The following CCDC73 variants were observed in gnomAD, a reference collection of about 807,000 sequenced individuals.
CCDC73 encodes coiled-coil domain-containing protein 73.
In CCDC73, 95 loss-of-function variants were observed where a neutral mutation model predicts 116.5. The ratio of observed to expected loss-of-function variants is 0.82; its 90% confidence interval spans 0.69 to 0.97. The LOEUF is 0.97. CCDC73 is among the 50% of genes least tolerant of loss of function. CCDC73 has a pLI of 0.00. For synonymous variants in CCDC73, 398 were observed against 401.3 expected (o/e 0.99, Z 0.10); for missense variants, 1,066 against 1,206.8 (o/e 0.88, Z 1.73).
intron 14 of CCDC73, among the ~76,000 whole-genome samples, chr11:32,633,859 C>T (rs1484239726): frequency 6.6e-6 from 1 of 152,170 alleles, no homozygotes; most frequent in East Asian, 1.9e-4. Context: ...CAGTGAGCCA[C>T]TCTTGTTAGG....
chr11:32,711,131 T>C (rs539852545), intron 3 of CCDC73, among the ~76,000 whole-genome samples: 2 of 152,032 alleles, frequency 1.3e-5, no homozygotes, highest in East Asian at 3.9e-4. Context: ...AATCAAAAAA[T>C]CAAAAAATAA....
At chr11:32,666,416 C>T (rs1200187986) in intron 9 of CCDC73, among the ~76,000 whole-genome samples, 1 of 152,212 alleles carries the variant, frequency 6.6e-6, no homozygotes, top group East Asian at 1.9e-4. Context: ...ATTTGATCTT[C>T]AATCACTGGT....
chr11:32,829,714 C>A, the CCDC73 span: 1 of 948,780 alleles, frequency 1.1e-6, no homozygotes. Context: ...AGACACAAAT[C>A]GAAAAGCAGC....
intron 3 of CCDC73, among the ~76,000 whole-genome samples, chr11:32,715,345 A>C (rs1849934968): frequency 6.6e-6 from 1 of 152,124 alleles, no homozygotes; most frequent in Non-Finnish European, 1.5e-5. Context: ...AAAGTGATCT[A>C]CAAGTTCTGA....
At chr11:32,712,953 T>C (rs561576386) in intron 3 of CCDC73, among the ~76,000 whole-genome samples, 1 of 152,182 alleles carries the variant, frequency 6.6e-6, no homozygotes, top group African/African-American at 2.4e-5. Context: ...ACTTCCTATA[T>C]AAAGTATATC....
chr11:32,807,092 T>C, the CCDC73 span, among the ~76,000 whole-genome samples: 1 of 152,154 alleles, frequency 6.6e-6, no homozygotes, highest in Non-Finnish European at 1.5e-5. Context: ...TAACGATTGG[T>C]CAGCTGTTTG....
chr11:32,743,710 T>G (rs1850209657), intron 2 of CCDC73, among the ~76,000 whole-genome samples: 1 of 152,178 alleles, frequency 6.6e-6, no homozygotes, highest in Admixed American at 6.5e-5. Flanking sequence ...TCTCTGTTTG[T>G]CTGTTATTGG....
the CCDC73 span, among the ~76,000 whole-genome samples, chr11:32,824,765 C>G: frequency 6.6e-6 from 1 of 152,176 alleles, no homozygotes; most frequent in Non-Finnish European, 1.5e-5. Flanking sequence ...AGAAACCACG[C>G]TTTAAAATCC....
At chr11:32,690,076 T>C (rs1856240503) in intron 6 of CCDC73, among the ~76,000 whole-genome samples, 2 of 152,022 alleles carry the variant, frequency 1.3e-5, no homozygotes, top group African/African-American at 4.8e-5. Flanking sequence ...GGAGGATAAA[T>C]GAGAAGATTC....
At chr11:32,792,244 G>C (rs1850683082) in intron 1 of CCDC73, among the ~76,000 whole-genome samples, 1 of 151,780 alleles carries the variant, frequency 6.6e-6, no homozygotes. Context: ...AAAAATCAAT[G>C]TAATGGGTCT....
intron 1 of CCDC73, among the ~76,000 whole-genome samples, chr11:32,787,368 C>A (rs1204103544): frequency 6.6e-6 from 1 of 152,180 alleles, no homozygotes; most frequent in Non-Finnish European, 1.5e-5. Flanking sequence ...CAGTTTCACA[C>A]TATCATTTCA....
intron 1 of CCDC73, among the ~76,000 whole-genome samples, chr11:32,765,828 CA>C (rs1457106345): frequency 2.6e-5 from 4 of 152,108 alleles, no homozygotes; most frequent in Non-Finnish European, 5.9e-5. Flanking sequence ...GCCTACCAAA[CA>C]AAAAAACTCC....
At chr11:32,830,243 G>T in the CCDC73 span, 1 of 1,071,392 alleles carries the variant, frequency 9.3e-7, no homozygotes, top group Non-Finnish European at 1.2e-6. Context: ...GGCGGACTGG[G>T]TTGGATTCGA....
chr11:32,687,051 G>GA (rs972860287), intron 6 of CCDC73, among the ~76,000 whole-genome samples: 2 of 152,072 alleles, frequency 1.3e-5, no homozygotes, highest in Admixed American at 6.6e-5. Context: ...CCGCTTTAGA[G>GA]AAAAAAATCT....
intron 12 of CCDC73, among the ~76,000 whole-genome samples, chr11:32,643,003 T>C (rs1855747027): frequency 1.3e-5 from 2 of 151,594 alleles, no homozygotes; most frequent in South Asian, 4.1e-4. Context: ...TATTTTTAAA[T>C]ACAGATGAGA....
chr11:32,643,938 G>A (rs1855754830), intron 12 of CCDC73, among the ~76,000 whole-genome samples: 1 of 151,966 alleles, frequency 6.6e-6, no homozygotes, highest in African/African-American at 2.4e-5. Context: ...TTGTACAGCT[G>A]TATAAAAATA....
At chr11:32,716,420 C>T (rs1849944915) in intron 3 of CCDC73, among the ~76,000 whole-genome samples, 1 of 152,254 alleles carries the variant, frequency 6.6e-6, no homozygotes, top group South Asian at 2.1e-4. Context: ...ATTATGACAG[C>T]TTTATATTAT....
Position 32,654,008 on chromosome 11 carries a change from T to G in CCDC73, c.804A>C (p.Glu268Asp). ...MELELNEKIN[E>D]EITHIQEEKQ... ...TTTCTTCTTGAATATGGGTAATCTCTTCATTAATCTTCTCATTTAATTCCA... is the reference window on the plus strand; with the variant it reads ...TTTCTTCTTGAATATGGGTAATCTCGTCATTAATCTTCTCATTTAATTCCA... Residue 268 changes from glutamate (E) to aspartate (D), a missense_variant, in exon 11 of 18, where the codon GAA becomes GAC. By Grantham distance (45) the Glu-to-Asp change is conservative. Transcript: ENST00000335185. 1 of 1,599,186 alleles carries G rather than the reference T, an allele frequency of 6.3e-7. No individual in the cohort carries two copies. The highest frequency in any genetic ancestry group is 2.2e-5 in the East Asian group (1 of 44,620).
At chr11:32,704,991 C>G (rs1715340850) in intron 3 of CCDC73, among the ~76,000 whole-genome samples, 4 of 152,194 alleles carry the variant, frequency 2.6e-5, no homozygotes, top group Admixed American at 6.5e-5. Context: ...AACTCAGAAC[C>G]CACCAGATGG....
Sources: allele counts gnomAD v4.1 joint callset (sites outside exome capture counted in the v4.1 genomes callset), GRCh38; gene constraint gnomAD v4.1.1; transcripts MANE v1.5; gene names NCBI Gene and HGNC (gene_info 2026-07-23, HGNC 2026-07-21).